Variants in AKAP7 observed in about 807,000 individuals in gnomAD.
AKAP7 encodes the protein A-kinase anchoring protein 7.
In AKAP7, 39 loss-of-function variants were observed where a neutral mutation model predicts 39.5. The observed-to-expected ratio is 0.99, with a 90% confidence interval of 0.76 to 1.29. The LOEUF (loss-of-function observed/expected upper bound fraction) is 1.29. Ranked by LOEUF, AKAP7 falls within the 50% of genes most tolerant of loss-of-function variation. The probability of loss-of-function intolerance (pLI) is 0.00; values close to 1 mark genes in which losing one functional copy is unlikely to be tolerated. For synonymous variants in AKAP7, 140 were observed against 139.1 expected (o/e 1.01, Z -0.05); for missense variants, 414 against 407.7 (o/e 1.02, Z -0.13).
intron 7 of AKAP7, among the ~76,000 whole-genome samples, chr6:131,261,079 G>A (rs1182829698): frequency 2.0e-5 from 3 of 151,890 alleles, no homozygotes; most frequent in Middle Eastern, 6.3e-3. Flanking sequence ...GCCTGTAATC[G>A]CAGCTACTCA....
At chr6:131,263,428 C>T (rs1160627616) in intron 7 of AKAP7, among the ~76,000 whole-genome samples, 1 of 152,172 alleles carries the variant, frequency 6.6e-6, no homozygotes, top group Non-Finnish European at 1.5e-5. Flanking sequence ...TCCCTCTCCT[C>T]ATTCCCATAT....
rs368239048 is a variant in AKAP7, at chr6:131,158,403, G to A, written c.152-1656G>A. Among the ~76,000 whole-genome samples the A allele has an allele frequency of 3.9e-5, 6 of 152,302 alleles. No homozygotes were observed. The East Asian group carries it at 5.8e-4, about 15-fold the overall frequency. On this transcript the variant is annotated intron_variant, in intron 2 of 7. Coordinates refer to ENST00000431975, the MANE Select transcript of AKAP7 (RefSeq NM_016377.4). Reference sequence around the variant, plus strand: ...CCCAAAGATGAAACCAACCGAATAGGATTGAATGTAAGGTAAAGTGGTTCT... The same window carrying A: ...CCCAAAGATGAAACCAACCGAATAGAATTGAATGTAAGGTAAAGTGGTTCT...
Position 131,145,440 on chromosome 6 carries a change from C to A in AKAP7, c.151+24C>A, listed in dbSNP as rs372491044. 4 of 1,381,546 alleles carry A rather than the reference C, an allele frequency of 2.9e-6. No individual in the cohort carries two copies. The African/African-American group carries it at 4.4e-5, about 15-fold the overall frequency. The allele number at this position is 1,381,546 out of a possible 1,614,324, so 85.6% of individuals were successfully genotyped here. A position where few individuals can be genotyped will look rare whatever the true frequency, so the allele number is the denominator to read the frequency against. On this transcript the variant is annotated intron_variant, in intron 2 of 7. Coordinates refer to ENST00000431975, the MANE Select transcript of AKAP7 (RefSeq NM_016377.4). ...AAGTAAGTACTTTATTAAGTAAACG[C>A]GTATTTAGAAGCAATGAGTAGTAAA...
upstream of AKAP7, among the ~76,000 whole-genome samples, chr6:131,131,467 CTTTT>C (rs3031855): frequency 5.0e-4 from 69 of 138,342 alleles, no homozygotes; most frequent in African/African-American, 1.2e-3. Flanking sequence ...CTCTTTCTTT[CTTTT>C]TTTTTTTTTT....
intron 7 of AKAP7, among the ~76,000 whole-genome samples, chr6:131,274,020 T>C (rs1191834583): frequency 6.6e-6 from 1 of 151,772 alleles, no homozygotes; most frequent in African/African-American, 2.4e-5. Context: ...GCTCACCTTT[T>C]CTTTTTCTTT....
chr6:131,205,008 G>A (rs1227878466), intron 6 of AKAP7, among the ~76,000 whole-genome samples: 4 of 152,132 alleles, frequency 2.6e-5, no homozygotes. Context: ...CTAAAGTACT[G>A]GTGCTACTGT....
In AKAP7 at chr6:131,184,501, G is replaced by A. The variant is rs140450554; in HGVS notation, c.590-14960G>A. 770 of 679,342 alleles carry A rather than the reference G, an allele frequency of 1.1e-3. 6 individuals are homozygous for A. The East Asian group carries it at 0.015, about 13-fold the overall frequency. 42.1% of individuals were successfully genotyped at this position (679,342 alleles called of 1,614,324 possible). Reference sequence around the variant, plus strand: ...GCTGGTCATCATCTTCAGAGGTGCCGCAGATATCGCAACATTTGTGCTCGA... The same window carrying A: ...GCTGGTCATCATCTTCAGAGGTGCCACAGATATCGCAACATTTGTGCTCGA... On this transcript the variant is annotated intron_variant, in intron 5 of 7. Coordinates refer to ENST00000431975, the MANE Select transcript of AKAP7 (RefSeq NM_016377.4).
chr6:131,218,484 G>A (rs566020630), intron 6 of AKAP7, among the ~76,000 whole-genome samples: 48 of 152,266 alleles, frequency 3.2e-4, no homozygotes, highest in East Asian at 7.7e-4. Flanking sequence ...TATAGCAGTG[G>A]CAGTTTGTAG....
chr6:131,218,548 T>A (rs1809408969), intron 6 of AKAP7, among the ~76,000 whole-genome samples: 1 of 152,222 alleles, frequency 6.6e-6, no homozygotes, highest in South Asian at 2.1e-4. Context: ...GTTTTCTAAA[T>A]AAGTTTTTGT....
chr6:131,160,477 C>T (rs888728137), intron 3 of AKAP7, among the ~76,000 whole-genome samples: 12 of 152,202 alleles, frequency 7.9e-5, no homozygotes, highest in African/African-American at 2.7e-4. Context: ...CTCCTGGACT[C>T]AAGCAGTCTT....
chr6:131,282,124 C>A lies in AKAP7; in HGVS notation c.*398C>A, dbSNP rs891615927. The A allele has an allele frequency of 1.7e-6, 2 of 1,172,432 alleles. No individual in the cohort carries two copies. Among genetic ancestry groups the A allele is most frequent in the Non-Finnish European group, 2.1e-6 (2 of 950,680 alleles). The allele number at this position is 1,172,432 out of a possible 1,614,324, so 72.6% of individuals were successfully genotyped here. A position where few individuals can be genotyped will look rare whatever the true frequency, so the allele number is the denominator to read the frequency against. ...TATCTGAGGCCAGAACTCTCACACACAGCTATCAAGTGCTAAGTTTAAAAT... is the reference window on the plus strand; with the variant it reads ...TATCTGAGGCCAGAACTCTCACACAAAGCTATCAAGTGCTAAGTTTAAAAT... On this transcript the variant is annotated 3_prime_UTR_variant, in exon 8 of 8. Transcript: ENST00000431975.
Position 131,199,444 on chromosome 6 carries a change from C to T in AKAP7, c.590-17C>T, listed in dbSNP as rs560762492. The T allele has an allele frequency of 6.6e-7, 1 of 1,506,890 alleles. No homozygotes were observed. Among genetic ancestry groups the T allele is most frequent in the African/African-American group, 1.4e-5 (1 of 71,788 alleles). 93.3% of individuals were successfully genotyped at this position (1,506,890 alleles called of 1,614,324 possible). ...ATACTGTAGTAGCATTTCTTTGTTTCTCTTTATTTTCTTCAGAGACTGCAA... is the reference window on the plus strand; with the variant it reads ...ATACTGTAGTAGCATTTCTTTGTTTTTCTTTATTTTCTTCAGAGACTGCAA... On this transcript the variant is annotated splice_polypyrimidine_tract_variant and intron_variant, in intron 5 of 7. Coordinates refer to ENST00000431975, the MANE Select transcript of AKAP7 (RefSeq NM_016377.4).
At chr6:131,268,684 ACCTTAT>A (rs1814018829) in intron 7 of AKAP7, among the ~76,000 whole-genome samples, 2 of 152,196 alleles carry the variant, frequency 1.3e-5, no homozygotes, top group African/African-American at 4.8e-5. Context: ...CAGGAAAGTG[ACCTTAT>A]TTCTGCTCAT....
At chr6:131,231,660 T>G (rs779559048) in intron 7 of AKAP7, among the ~76,000 whole-genome samples, 2 of 152,172 alleles carry the variant, frequency 1.3e-5, no homozygotes, top group South Asian at 4.1e-4. Flanking sequence ...TGGTATACTT[T>G]TAAGTGTAAA....
chr6:131,152,471 T>C (rs2128232038), intron 2 of AKAP7, among the ~76,000 whole-genome samples: 1 of 152,372 alleles, frequency 6.6e-6, no homozygotes, highest in Non-Finnish European at 1.5e-5. Context: ...ACGGATTTTA[T>C]ACTTTGACCA....
At chr6:131,186,764 G>A (rs1482770352) in intron 5 of AKAP7, among the ~76,000 whole-genome samples, 3 of 151,888 alleles carry the variant, frequency 2.0e-5, no homozygotes, top group Non-Finnish European at 2.9e-5. Context: ...AAGTGATTTA[G>A]GACCCCAAAA....
At chr6:131,130,548 G>A (rs1354321869), upstream of AKAP7, among the ~76,000 whole-genome samples, 2 of 152,292 alleles carry the variant, frequency 1.3e-5, no homozygotes, top group South Asian at 2.1e-4. Flanking sequence ...CACCCGCTTC[G>A]GCCTTCCAAA....
intron 7 of AKAP7, among the ~76,000 whole-genome samples, chr6:131,254,354 AAAGG>A (rs1475873461): frequency 2.0e-5 from 3 of 152,228 alleles, no homozygotes; most frequent in Non-Finnish European, 4.4e-5. Context: ...GAGCTGCCTG[AAAGG>A]AATGTCTATC....
chr6:131,237,917 C>T (rs1811209633), intron 7 of AKAP7, among the ~76,000 whole-genome samples: 1 of 152,098 alleles, frequency 6.6e-6, no homozygotes, highest in East Asian at 1.9e-4. Flanking sequence ...CAGTTCTGCT[C>T]TGATCTTAGT....
Sources: gnomAD v4.1 joint callset for allele counts (sites outside exome capture counted in the v4.1 genomes callset) on GRCh38, gnomAD v4.1.1 for gene constraint, MANE v1.5 for transcripts, NCBI Gene and HGNC (gene_info 2026-07-23, HGNC 2026-07-21) for gene names.